NAMPT: variants seen among roughly 807,000 people sequenced by gnomAD.
NAMPT encodes the protein NAmPRTase.
NAMPT carries 7 observed loss-of-function variants against 58.7 expected under a neutral mutation model. The observed-to-expected ratio is 0.12, with a 90% CI of 0.07 to 0.22. The LOEUF (loss-of-function observed/expected upper bound fraction) is 0.22, where lower values mean the gene tolerates loss of function less well. NAMPT is among the 10% of genes least tolerant of loss of function. The probability of loss-of-function intolerance (pLI) is 1.00; values close to 1 mark genes in which losing one functional copy is unlikely to be tolerated. For synonymous variants in NAMPT, 145 were observed against 198.1 expected, an observed-to-expected ratio of 0.73 and a Z score of 2.25; for missense variants, 271 against 567.9, an observed-to-expected ratio of 0.48 and a Z score of 5.31.
At chr7:106,281,100 G>A (rs940922238) in intron 1 of NAMPT, among the ~76,000 whole-genome samples, 8 of 148,706 alleles carry the variant, frequency 5.4e-5, no homozygotes, top group Non-Finnish European at 1.2e-4. Context: ...GAACAAAAAC[G>A]GTCTAGCCCT....
At chr7:106,271,432 TCTCA>T (rs918097860) in intron 4 of NAMPT, among the ~76,000 whole-genome samples, 66 of 152,314 alleles carry the variant, frequency 4.3e-4, no homozygotes, top group African/African-American at 1.5e-3. Context: ...AATTGCCAAC[TCTCA>T]CTCAAAGGCC....
At chr7:106,254,721 C>T (rs1792169278) in intron 8 of NAMPT, among the ~76,000 whole-genome samples, 1 of 152,170 alleles carries the variant, frequency 6.6e-6, no homozygotes, top group African/African-American at 2.4e-5. Context: ...GTTCCTGAAT[C>T]TGCATTGCTG....
intron 9 of NAMPT, 70 bp from the exon 10 acceptor site, chr7:106,253,221 C>CA: frequency 1.3e-6 from 2 of 1,500,950 alleles, no homozygotes; most frequent in South Asian, 1.2e-5. Context: ...CACTCCCTTA[C>CA]AAAAAAGCAC....
Position 106,248,463 on chromosome 7 carries a change from A to C in NAMPT, c.*2620T>G, listed in dbSNP as rs138980033. ...CAAAATACTTAAGTGTGAGTTCTAA[A>C]TTATGGCAAACAGAACAATAAATAC... On this transcript the variant is annotated 3_prime_UTR_variant, in exon 11 of 11. Transcript: ENST00000222553. The C allele has an allele frequency of 9.3e-4, 142 of 152,674 alleles. No individual in the cohort carries two copies. The highest frequency in any genetic ancestry group is 3.2e-3 in the African/African-American group (133 of 41,562). The allele number at this position is 152,674 out of a possible 1,614,324, so 9.5% of individuals were successfully genotyped here.
At chr7:106,265,803 T>C (rs1013930212) in intron 6 of NAMPT, among the ~76,000 whole-genome samples, 1 of 152,162 alleles carries the variant, frequency 6.6e-6, no homozygotes, top group African/African-American at 2.4e-5. Context: ...ATTCTACCAA[T>C]GCCATAAATC....
intron 6 of NAMPT, among the ~76,000 whole-genome samples, chr7:106,267,014 C>T (rs1217927971): frequency 6.6e-6 from 1 of 152,198 alleles, no homozygotes; most frequent in Non-Finnish European, 1.5e-5. Context: ...ATTCTCCCTC[C>T]TCTTTCATTC....
Position 106,249,126 on chromosome 7 carries a change from G to C in NAMPT, c.*1957C>G, listed in dbSNP as rs1792067085. 6.6e-6 allele frequency: 1 copy of C among 152,284 alleles called. No homozygotes were observed. The highest frequency in any genetic ancestry group is 2.1e-4 in the South Asian group (1 of 4,834). 9.4% of individuals were successfully genotyped at this position (152,284 alleles called of 1,614,324 possible). ...CTTTACACGCCCCTTAGCACATTTT[G>C]TGAAGAAATGTGTGTTTTTCTTAAT... On this transcript the variant is annotated 3_prime_UTR_variant, in exon 11 of 11. Transcript: ENST00000222553.
Position 106,277,083 on chromosome 7 carries a change from C to A in NAMPT, c.154G>T (p.Val52Leu), listed in dbSNP as rs1792661174. ...KKTENSKLRK[V>L]KYEETVFYGL... The stretch of plus-strand genomic sequence containing the variant: ...TAAAATACTGTTTCCTCATATTTCA[C>A]CTTCCTTAATTTGGAGTTTTCTGTC... The change falls in exon 2 of 11, where the codon GTG becomes TTG. Residue 52 changes from valine (V) to leucine (L), a missense_variant. Val to Leu is a conservative substitution (Grantham distance 32). Transcript: ENST00000222553. 4 of 1,605,418 alleles carry A rather than the reference C, an allele frequency of 2.5e-6. No homozygotes were observed. The highest frequency in any genetic ancestry group is 2.6e-6 in the Non-Finnish European group (3 of 1,172,308).
intron 7 of NAMPT, 23 bp downstream of exon 7, chr7:106,263,368 AT>A (rs775017090): frequency 1.3e-6 from 2 of 1,520,064 alleles, no homozygotes; most frequent in South Asian, 2.3e-5. Context: ...GATTCTAATA[AT>A]AAAGTTACAT....
At chr7:106,285,266 C>A, upstream of NAMPT, 1 of 827,458 alleles carries the variant, frequency 1.2e-6, no homozygotes, top group Non-Finnish European at 1.5e-6. Flanking sequence ...GACGCCAGCT[C>A]TGGGAAGCTG....
intron 6 of NAMPT, among the ~76,000 whole-genome samples, chr7:106,268,101 TAGG>T (rs1450492234): frequency 1.3e-5 from 2 of 152,028 alleles, no homozygotes; most frequent in African/African-American, 4.8e-5. Context: ...TAAGGTCATG[TAGG>T]AGGACAGGGA....
chr7:106,277,747 T>G (rs1406908291), intron 1 of NAMPT, among the ~76,000 whole-genome samples: 2 of 152,190 alleles, frequency 1.3e-5, no homozygotes, highest in African/African-American at 4.8e-5. Context: ...AATCTCCCTT[T>G]GTCAAATCAC....
chr7:106,281,319 T>C (rs1018950410), intron 1 of NAMPT, among the ~76,000 whole-genome samples: 1 of 152,126 alleles, frequency 6.6e-6, no homozygotes, highest in African/African-American at 2.4e-5. Flanking sequence ...AGATGTCCCA[T>C]AGGGCTGATT....
chr7:106,270,375 T>C, intron 4 of NAMPT: 2 of 303,172 alleles, frequency 6.6e-6, no homozygotes, highest in Non-Finnish European at 1.5e-5. Context: ...AAGCAAGCTT[T>C]TACTGAATAC....
At position 106,282,811 on chromosome 7, in the gene NAMPT, A is replaced by C. The variant is rs543747589; in HGVS notation, c.57+2017T>G. Among the ~76,000 whole-genome samples the C allele has an allele frequency of 3.9e-5, 6 of 152,354 alleles. No homozygotes were observed. In the South Asian group the frequency reaches 1.2e-3, roughly 32 times the overall value. ...TTGCTCTCTTCATCAACACATCTGA[A>C]ACTACTAGAGTTCCCAACTTTGGCC... On this transcript the variant is annotated intron_variant, in intron 1 of 10. Transcript: ENST00000222553.
chr7:106,284,754 C>T, intron 1 of NAMPT, 74 bp downstream of exon 1: 1 of 1,306,450 alleles, frequency 7.7e-7, no homozygotes, highest in Non-Finnish European at 1.0e-6. Flanking sequence ...GCCCCAGCCG[C>T]CCCCGCCCCC....
Position 106,277,068 on chromosome 7 carries a change from T to C in NAMPT, c.169A>G (p.Thr57Ala). The change falls in exon 2 of 11, where the codon ACA becomes GCA. Residue 57 changes from threonine (T) to alanine (A), a missense_variant. Transcript: ENST00000222553. ...SKLRKVKYEE[T>A]VFYGLQYILN... Reference sequence around the variant, plus strand: ...ATGTACTGCAACCCATAAAATACTGTTTCCTCATATTTCACCTTCCTTAAT... The same window carrying C: ...ATGTACTGCAACCCATAAAATACTGCTTCCTCATATTTCACCTTCCTTAAT... 2 of 1,600,584 alleles carry C rather than the reference T, an allele frequency of 1.2e-6. No individual in the cohort carries two copies. The highest frequency in any genetic ancestry group is 1.7e-6 in the Non-Finnish European group (2 of 1,167,794).
Position 106,250,868 on chromosome 7 carries a change from T to C in NAMPT, c.*215A>G. ...ATGACTACCTATTGGCAAAGGGCCC[T>C]AAAAAGCTTACTTTAGCACTCATCT... On this transcript the variant is annotated 3_prime_UTR_variant, in exon 11 of 11. Coordinates refer to ENST00000222553, the MANE Select transcript of NAMPT (RefSeq NM_005746.3). 1 of 516,586 alleles carries C rather than the reference T, an allele frequency of 1.9e-6. No individual in the cohort carries two copies. 32.0% of individuals were successfully genotyped at this position (516,586 alleles called of 1,614,324 possible).
At chr7:106,272,693 C>G in intron 3 of NAMPT, 35 bp from the exon 4 acceptor site, 1 of 1,607,106 alleles carries the variant, frequency 6.2e-7, no homozygotes, top group Non-Finnish European at 8.5e-7. Context: ...ATTTATTCAA[C>G]AGATGATACT....
Sources: gnomAD v4.1 joint callset for allele counts (sites outside exome capture counted in the v4.1 genomes callset) on GRCh38, gnomAD v4.1.1 for gene constraint, MANE v1.5 for transcripts, NCBI Gene and HGNC (gene_info 2026-07-23, HGNC 2026-07-21) for gene names.